Variants in FCN2 observed in about 807,000 individuals in gnomAD.
FCN2 encodes the protein ficolin 2.
Under a neutral mutation model 32.5 loss-of-function variants are expected in FCN2, and 31 were observed. That is an observed-to-expected ratio of 0.96 (90% CI 0.72 to 1.29). The LOEUF is 1.29. FCN2 is among the 50% of genes most tolerant of loss of function. The probability of loss-of-function intolerance (pLI) is 0.00; values close to 1 mark genes in which losing one functional copy is unlikely to be tolerated. For missense variants in FCN2, 412 were observed against 406.5 expected (o/e 1.01, Z -0.12); for synonymous variants, 181 against 164.5 (o/e 1.10, Z -0.77).
At chr9:134,869,609 G>A in the FCN2 span, among the ~76,000 whole-genome samples, 1 of 152,198 alleles carries the variant, frequency 6.6e-6, no homozygotes, top group Non-Finnish European at 1.5e-5. Flanking sequence ...TAGTCTCTCC[G>A]AGGCTTCCTT....
upstream of FCN2, among the ~76,000 whole-genome samples, chr9:134,879,312 A>G (rs1487043229): frequency 1.3e-5 from 2 of 152,218 alleles, no homozygotes; most frequent in African/African-American, 4.8e-5. Context: ...AGATTTCTGA[A>G]CACTAAAATA....
chr9:134,881,630 G>A (rs769024957), intron 1 of FCN2, among the ~76,000 whole-genome samples: 59 of 152,114 alleles, frequency 3.9e-4, no homozygotes, highest in Non-Finnish European at 7.5e-4. Flanking sequence ...GCAGAGATTC[G>A]TGTCAGGATT....
At chr9:134,882,478 G>A (rs1198681972) in intron 1 of FCN2, 48 bp from the exon 2 acceptor site, 2 of 1,466,356 alleles carry the variant, frequency 1.4e-6, no homozygotes, top group East Asian at 2.3e-5. Context: ...GCTCAGTGGA[G>A]TCTTCAGGCC....
the FCN2 span, among the ~76,000 whole-genome samples, chr9:134,869,940 G>C: frequency 6.6e-6 from 1 of 151,214 alleles, no homozygotes; most frequent in African/African-American, 2.4e-5. Context: ...GGCTGCAGGA[G>C]GGGGGGGCCC....
chr9:134,869,100 C>T, the FCN2 span, among the ~76,000 whole-genome samples: 1 of 152,194 alleles, frequency 6.6e-6, no homozygotes, highest in Non-Finnish European at 1.5e-5. Context: ...GCACTCAGAG[C>T]CACCTGACCC....
the FCN2 span, among the ~76,000 whole-genome samples, chr9:134,865,082 C>A: frequency 6.6e-6 from 1 of 152,242 alleles, no homozygotes; most frequent in African/African-American, 2.4e-5. Context: ...GGAAGACCAC[C>A]CAGCTGGACG....
At position 134,885,312 on chromosome 9, in the gene FCN2, CT is replaced by C; in HGVS notation, c.376del (p.Cys126AlafsTer4). 1 of 1,614,138 alleles carries C rather than the reference CT, an allele frequency of 6.2e-7. No individual in the cohort carries two copies. The highest frequency in any genetic ancestry group is 8.5e-7 in the Non-Finnish European group (1 of 1,180,026). On this transcript the variant is annotated frameshift_variant, in exon 5 of 8. Transcript: ENST00000291744. LOFTEE classifies it high-confidence loss of function. ...SGWHTIYLPD[C>X]RPLTVLCDMD... Reference sequence around the variant, plus strand: ...GCTGGCACACCATCTACCTGCCCGACTGCCGGCCCCTGACTGTGCTCTGTGA... The same window carrying C: ...GCTGGCACACCATCTACCTGCCCGACGCCGGCCCCTGACTGTGCTCTGTGA...
chr9:134,883,020 G>A (rs12340783), intron 2 of FCN2, among the ~76,000 whole-genome samples: 43 of 152,214 alleles, frequency 2.8e-4, no homozygotes, highest in Non-Finnish European at 4.0e-4. Context: ...CAGGGATTTC[G>A]CTCTGTTCTC....
upstream of FCN2, among the ~76,000 whole-genome samples, chr9:134,876,248 T>C (rs3124949): frequency 0.4 from 60,224 of 152,106 alleles, 12,020 homozygotes; most frequent in South Asian, 0.47. Flanking sequence ...GCAATGATTT[T>C]TATCTACTTT....
In FCN2 at chr9:134,886,420, T is replaced by C. The variant is rs1830756302; in HGVS notation, c.560-10T>C. 6.2e-7 allele frequency: 1 copy of C among 1,614,104 alleles called. No individual in the cohort carries two copies. Among genetic ancestry groups the C allele is most frequent in the Admixed American group, 1.7e-5 (1 of 60,026 alleles). On this transcript the variant is annotated splice_polypyrimidine_tract_variant and intron_variant, in intron 6 of 7. Coordinates refer to ENST00000291744, the MANE Select transcript of FCN2 (RefSeq NM_004108.3). ...CCTTCCGCTGAGACCCTGAAACCTTTCTCTAACAGGAACCAGCGAGCTCCG... is the reference window on the plus strand; with the variant it reads ...CCTTCCGCTGAGACCCTGAAACCTTCCTCTAACAGGAACCAGCGAGCTCCG...
the FCN2 span, among the ~76,000 whole-genome samples, chr9:134,864,852 C>G: frequency 1.4e-4 from 22 of 152,358 alleles, no homozygotes; most frequent in African/African-American, 5.0e-4. Context: ...CTCAAAGAAA[C>G]AGATGCAGCC....
rs61736807 is a variant in FCN2, at chr9:134,880,832, A to G, written c.11A>G (p.Asp4Gly). The G allele has an allele frequency of 6.2e-7, 1 of 1,613,528 alleles. No individual in the cohort carries two copies. The highest frequency in any genetic ancestry group is 1.3e-5 in the African/African-American group (1 of 75,040). ...CAAAGACCAGAAGAGATGGAGCTGG[A>G]CAGAGCTGTGGGGGTCCTGGGCGCT... Reference protein sequence around the residue: MELDRAVGVLGAAT... With the variant: MELGRAVGVLGAAT... The change falls in exon 1 of 8, where the codon GAC becomes GGC. Residue 4 changes from aspartate to glycine, a missense_variant. Transcript: ENST00000291744.
In FCN2 at chr9:134,885,461, T is replaced by TC; in HGVS notation, c.429+97dup. 5 of 1,543,066 alleles carry TC rather than the reference T, an allele frequency of 3.2e-6. No homozygotes were observed. The South Asian group carries it at 5.9e-5, about 18-fold the overall frequency. On this transcript the variant is annotated intron_variant, in intron 5 of 7. Coordinates refer to ENST00000291744, the MANE Select transcript of FCN2 (RefSeq NM_004108.3). ...GAACACACTCTGGAATTCTCTATTC[T>TC]CCTGGTCGGGGACAGTCAGAGATGA...
chr9:134,885,143 C>T, intron 4 of FCN2, 96 bp from the exon 5 acceptor site: 1 of 1,535,010 alleles, frequency 6.5e-7, no homozygotes, highest in Non-Finnish European at 8.9e-7. Context: ...ATACAGACGC[C>T]TATGGCCCTG....
At chr9:134,868,613 G>A in the FCN2 span, 2 of 152,378 alleles carry the variant, frequency 1.3e-5, no homozygotes, top group Non-Finnish European at 2.9e-5. The surrounding 1 kb of genome is among the most constrained non-coding windows in gnomAD (Gnocchi z 4.3). Context: ...TCCCTTATAG[G>A]CATGGCCCGC....
chr9:134,866,204 AAGCTGGAGGC>A, the FCN2 span, among the ~76,000 whole-genome samples: 6 of 148,892 alleles, frequency 4.0e-5, no homozygotes, highest in South Asian at 1.4e-3. Context: ...CAAAAGAACA[AAGCTGGAGGC>A]ATCACACTAC....
Position 134,887,450 on chromosome 9 carries a change from C to G in FCN2, c.*35C>G, listed in dbSNP as rs574396484. 6.2e-7 allele frequency: 1 copy of G among 1,600,820 alleles called. No homozygotes were observed. The highest frequency in any genetic ancestry group is 1.7e-5 in the Admixed American group (1 of 59,870). ...GCCTCAGGGTCAGGACGCCTCCACA[C>G]ATAGTTGGTTGGGGGGTAGGGTTGG... On this transcript the variant is annotated 3_prime_UTR_variant, in exon 8 of 8. Coordinates refer to ENST00000291744, the MANE Select transcript of FCN2 (RefSeq NM_004108.3).
rs1830761500 is a variant in FCN2 at position 134,886,581 on chromosome 9, G to A, written c.694+17G>A. Reference sequence around the variant, plus strand: ...GCAGTGCGGGTGAGTGTCTGCTTGGGGCTGTGTGGCCTGGGCTTCTGAGGG... The same window carrying A: ...GCAGTGCGGGTGAGTGTCTGCTTGGAGCTGTGTGGCCTGGGCTTCTGAGGG... On this transcript the variant is annotated intron_variant, in intron 7 of 7. Transcript: ENST00000291744. The A allele has an allele frequency of 6.2e-7, 1 of 1,613,522 alleles. No homozygotes were observed. The highest frequency in any genetic ancestry group is 8.5e-7 in the Non-Finnish European group (1 of 1,179,550).
At chr9:134,887,116 G>A in intron 7 of FCN2, 52 bp from the exon 8 acceptor site, 2 of 1,610,164 alleles carry the variant, frequency 1.2e-6, no homozygotes, top group East Asian at 2.2e-5. Context: ...GACTTATACT[G>A]TCTGTAATGA....
Sources: allele counts gnomAD v4.1 joint callset (sites outside exome capture counted in the v4.1 genomes callset), GRCh38; gene constraint gnomAD v4.1.1; non-coding constraint Gnocchi (gnomAD v3.1); transcripts MANE v1.5; gene names NCBI Gene and HGNC (gene_info 2026-07-23, HGNC 2026-07-21).